The following FER1L5 variants were observed in gnomAD, a reference collection of about 807,000 sequenced individuals.
FER1L5 encodes fer-1 like family member 5.
Under a neutral mutation model 279.9 loss-of-function variants are expected in FER1L5, and 187 were observed. The ratio of observed to expected loss-of-function variants is 0.67; its 90% CI spans 0.59 to 0.75. The LOEUF is 0.75. Among genes scored for constraint, FER1L5 ranks in the 30% least tolerant of loss-of-function variants. The pLI is 0.00. For missense variants in FER1L5, 2,091 were observed against 2,594.4 expected (o/e 0.81, Z 4.21); for synonymous variants, 921 against 989.7 (o/e 0.93, Z 1.30).
chr2:96,686,338 A>G lies in FER1L5; in HGVS notation c.2217A>G (p.Thr739=). ...HSGRLCGKIQ[T]LFLQYPEGEG... ...GCAGGCTCTGTGGGAAGATACAGACACTCTTCCTACAGGTGGGAATCAGGG... is the reference window on the plus strand; with the variant it reads ...GCAGGCTCTGTGGGAAGATACAGACGCTCTTCCTACAGGTGGGAATCAGGG... Residue 739 remains threonine (T), a synonymous_variant, in exon 23 of 53, where the codon ACA becomes ACG. Transcript: ENST00000624922. The G allele has an allele frequency of 6.4e-7, 1 of 1,550,588 alleles. No individual in the cohort carries two copies.
Position 96,687,873 on chromosome 2 carries a change from T to A in FER1L5, c.2287T>A (p.Trp763Arg). The A allele has an allele frequency of 6.4e-7, 1 of 1,551,140 alleles. No individual in the cohort carries two copies. The highest frequency in any genetic ancestry group is 8.7e-7 in the Non-Finnish European group (1 of 1,146,952). ...CCCAGCTCACCTCCGGGTCTGCATG[T>A]GGCTTGGCAATGTCACAGACAGCAA... ...VLPAHLRVCM[W>R]LGNVTDSKDL... is the part of the protein sequence containing the mutation. Residue 763 changes from tryptophan (W) to arginine (R), a missense_variant, in exon 24 of 53, where the codon TGG becomes AGG. Coordinates refer to ENST00000624922, the MANE Select transcript of FER1L5 (RefSeq NM_001293083.2).
chr2:96,661,896 T>C, intron 12 of FER1L5, 105 bp downstream of exon 12: 1 of 1,462,364 alleles, frequency 6.8e-7, no homozygotes, highest in Non-Finnish European at 9.2e-7. Context: ...TAAACTACTG[T>C]TTGGGGTAGG....
chr2:96,689,895 C>T lies in FER1L5; in HGVS notation c.2640+137C>T, dbSNP rs777424599. 5.7e-5 allele frequency: 37 copies of T among 647,770 alleles called. No individual in the cohort carries two copies. The highest frequency in any genetic ancestry group is 6.9e-5 in the Non-Finnish European group (26 of 374,270). 40.1% of individuals were successfully genotyped at this position (647,770 alleles called of 1,614,324 possible). A position where few individuals can be genotyped will look rare whatever the true frequency, so the allele number is the denominator to read the frequency against. ...ATGTGTGGGGCCCCGGGTGAGCGCACCAGCCCTCAGGCACTCTCTCTCAGC... is the reference window on the plus strand; with the variant it reads ...ATGTGTGGGGCCCCGGGTGAGCGCATCAGCCCTCAGGCACTCTCTCTCAGC... On this transcript the variant is annotated intron_variant, in intron 26 of 52. Transcript: ENST00000624922. This position sits in a 1 kb window ranked among gnomAD's most constrained non-coding sequence, Gnocchi z 4.6.
intron 14 of FER1L5, among the ~76,000 whole-genome samples, chr2:96,664,695 T>C (rs113646501): frequency 0.01 from 1,569 of 152,298 alleles, 7 homozygotes; most frequent in Non-Finnish European, 0.016. Flanking sequence ...TAGGTAAATA[T>C]GTAGATGCAG....
In FER1L5 at chr2:96,702,206, G is replaced by C. The variant is rs931599341; in HGVS notation, c.5160-100G>C. The C allele has an allele frequency of 1.9e-6, 3 of 1,566,594 alleles. No homozygotes were observed. The highest frequency in any genetic ancestry group is 2.6e-6 in the Non-Finnish European group (3 of 1,156,322). The stretch of plus-strand genomic sequence containing the variant: ...TCTTCCCCTGAATTCCCCACACTGA[G>C]CAAAAACACACAGGGCAGCCTCCCA... On this transcript the variant is annotated intron_variant, in intron 46 of 52. Transcript: ENST00000624922. This position sits in a 1 kb window ranked among gnomAD's most constrained non-coding sequence, Gnocchi z 4.0.
At chr2:96,659,374 T>G (rs1319350403) in intron 9 of FER1L5, among the ~76,000 whole-genome samples, 1 of 14,090 alleles carries the variant, frequency 7.1e-5, no homozygotes, top group Non-Finnish European at 1.1e-4. Context: ...TCTTTCTTTC[T>G]TTCTTTCTTT....
rs755662588 is a variant in FER1L5, at chr2:96,697,602, T to C, written c.4134+26T>C. 5.6e-6 allele frequency: 9 copies of C among 1,613,778 alleles called. No homozygotes were observed. The South Asian group carries it at 9.9e-5, about 18-fold the overall frequency. On this transcript the variant is annotated intron_variant, in intron 38 of 52. Coordinates refer to ENST00000624922, the MANE Select transcript of FER1L5 (RefSeq NM_001293083.2). ...GTGATGAAGGCTCAGCCCCATTCAG[T>C]GCAGGGAGGTGGGGGGCTGCCCCTG...
intron 7 of FER1L5, 79 bp from the exon 8 acceptor site, chr2:96,653,561 T>C: frequency 1.8e-6 from 2 of 1,112,224 alleles, no homozygotes; most frequent in Admixed American, 4.0e-5. Flanking sequence ...CACATTATTC[T>C]GAGCTTTCAG....
intron 7 of FER1L5, chr2:96,653,126 A>T (rs1281791395): frequency 6.2e-6 from 1 of 160,662 alleles, no homozygotes; most frequent in African/African-American, 2.4e-5. Flanking sequence ...CTGAGGCAGG[A>T]GAATCGTTTG....
Position 96,655,671 on chromosome 2 carries a change from G to T in FER1L5, c.747+1175G>T, listed in dbSNP as rs566274861. ...TTCTAGACAGTGACCAATGACATAAGCTAAGTTATAGAGGTCAGAGAAAAC... is the reference window on the plus strand; with the variant it reads ...TTCTAGACAGTGACCAATGACATAATCTAAGTTATAGAGGTCAGAGAAAAC... On this transcript the variant is annotated intron_variant, in intron 9 of 52. Transcript: ENST00000624922. 9.2e-5 allele frequency among the ~76,000 whole-genome samples: 14 copies of T among 152,294 alleles called. No individual in the cohort carries two copies. The East Asian group carries it at 2.5e-3, about 27-fold the overall frequency.
intron 12 of FER1L5, 82 bp from the exon 13 acceptor site, chr2:96,662,133 T>A: frequency 7.2e-7 from 1 of 1,392,454 alleles, no homozygotes; most frequent in South Asian, 1.2e-5. Context: ...AGGGGAGGGT[T>A]TTCAGTTGTT....
At chr2:96,659,412 T>C (rs1410995737) in intron 9 of FER1L5, among the ~76,000 whole-genome samples, 158 of 6,234 alleles carry the variant, frequency 0.025, 3 homozygotes, top group Non-Finnish European at 0.03. Flanking sequence ...TTTCTTTCTT[T>C]CTTTCTTTCT....
chr2:96,647,909 C>T (rs1188043993), intron 4 of FER1L5, 23 bp downstream of exon 4: 2 of 1,530,386 alleles, frequency 1.3e-6, no homozygotes, highest in East Asian at 4.9e-5. Context: ...CAGGAAGGCC[C>T]AGGCAGGGTG....
chr2:96,700,794 G>A (rs1315790641), intron 45 of FER1L5, among the ~76,000 whole-genome samples: 4 of 152,180 alleles, frequency 2.6e-5, no homozygotes, highest in Middle Eastern at 3.2e-3. Flanking sequence ...GGAAGGTGGC[G>A]CTCAGGTCAG....
rs1463465184 is a variant in FER1L5 at position 96,684,296 on chromosome 2, C to A, written c.1670-31C>A. The A allele has an allele frequency of 3.2e-6, 5 of 1,545,724 alleles. No individual in the cohort carries two copies. In the Middle Eastern group the frequency reaches 6.7e-4, roughly 207 times the overall value. Reference sequence around the variant, plus strand: ...GAGACCTCCCAGAATCCCCCAGACACCCCATCCCTCCATGTGTCTCTGTGT... The same window carrying A: ...GAGACCTCCCAGAATCCCCCAGACAACCCATCCCTCCATGTGTCTCTGTGT... On this transcript the variant is annotated intron_variant, in intron 19 of 52. Coordinates refer to ENST00000624922, the MANE Select transcript of FER1L5 (RefSeq NM_001293083.2).
intron 45 of FER1L5, 87 bp from the exon 46 acceptor site, chr2:96,701,868 C>T: frequency 7.4e-7 from 1 of 1,347,978 alleles, no homozygotes; most frequent in South Asian, 1.3e-5. Context: ...CTCAACAGAC[C>T]TCAGAACCTG....
intron 9 of FER1L5, among the ~76,000 whole-genome samples, chr2:96,655,309 A>G (rs1288606510): frequency 5.3e-5 from 8 of 152,206 alleles, no homozygotes; most frequent in African/African-American, 1.9e-4. Flanking sequence ...CCAAATCCAA[A>G]AAGATCAGGA....
intron 17 of FER1L5, 56 bp downstream of exon 17, chr2:96,669,193 AGCACTAGG>A: frequency 6.7e-7 from 1 of 1,501,994 alleles, no homozygotes; most frequent in Non-Finnish European, 9.0e-7. Flanking sequence ...CCCCATGTAA[AGCACTAGG>A]GCCTGGGACG....
chr2:96,648,072 G>A (rs1400332382), intron 4 of FER1L5, among the ~76,000 whole-genome samples, 186 bp downstream of exon 4: 2 of 152,144 alleles, frequency 1.3e-5, no homozygotes, highest in Non-Finnish European at 2.9e-5. Flanking sequence ...TGAATTGACC[G>A]CCTTGCATTG....
Sources: allele counts gnomAD v4.1 joint callset (sites outside exome capture counted in the v4.1 genomes callset), GRCh38; gene constraint gnomAD v4.1.1; non-coding constraint Gnocchi (gnomAD v3.1); transcripts MANE v1.5; gene names NCBI Gene and HGNC (gene_info 2026-07-23, HGNC 2026-07-21).